Variants in CCAR1 observed in about 807,000 individuals in gnomAD.
CCAR1 encodes cell division cycle and apoptosis regulator 1.
Under a neutral mutation model 163.8 loss-of-function variants are expected in CCAR1, and 78 were observed. The observed-to-expected ratio is 0.48, with a 90% confidence interval of 0.40 to 0.57. CCAR1 has a LOEUF of 0.57. Ranked by LOEUF, CCAR1 falls within the 20% of genes least tolerant of loss-of-function variation. CCAR1 has a pLI of 0.00. For synonymous variants in CCAR1, 443 were observed against 460.7 expected (o/e 0.96, Z 0.49); for missense variants, 1,019 against 1,365.2 (o/e 0.75, Z 4.00).
At chr10:68,773,244 T>C in intron 19 of CCAR1, 145 bp downstream of exon 19, 1 of 483,602 alleles carries the variant, frequency 2.1e-6, no homozygotes, top group South Asian at 2.9e-5. Context: ...AAAGTTTTTC[T>C]GATTTTTAGG....
intron 6 of CCAR1, among the ~76,000 whole-genome samples, chr10:68,744,959 C>G (rs2056232756): frequency 6.6e-6 from 1 of 151,660 alleles, no homozygotes; most frequent in Non-Finnish European, 1.5e-5. Flanking sequence ...TGTAGCTGGG[C>G]CATCAGGCGT....
chr10:68,771,545 T>G, intron 18 of CCAR1, 100 bp downstream of exon 18: 2 of 1,069,760 alleles, frequency 1.9e-6, no homozygotes, highest in Non-Finnish European at 2.7e-6. Context: ...AAAGCCAAAC[T>G]GAAAGATTTT....
chr10:68,753,767 T>C, intron 10 of CCAR1, 85 bp from the exon 11 acceptor site: 1 of 971,180 alleles, frequency 1.0e-6, no homozygotes, highest in Non-Finnish European at 1.6e-6. Flanking sequence ...TTTTACTATA[T>C]CCAGTTATAT....
chr10:68,790,679 C>G (rs1434619851), intron 24 of CCAR1, among the ~76,000 whole-genome samples: 1 of 151,990 alleles, frequency 6.6e-6, no homozygotes, highest in Non-Finnish European at 1.5e-5. Flanking sequence ...CAGGTGTGCT[C>G]CAGCACACCC....
At chr10:68,740,723 T>G in intron 5 of CCAR1, 62 bp downstream of exon 5, 1 of 1,283,342 alleles carries the variant, frequency 7.8e-7, no homozygotes, top group South Asian at 1.3e-5. Flanking sequence ...AAAGCTTTAT[T>G]AGTATTCTAC....
rs1046158826 is a variant in CCAR1, at chr10:68,722,707, A to G, written c.73+130A>G. On this transcript the variant is annotated intron_variant, in intron 2 of 24. Coordinates refer to ENST00000265872, the MANE Select transcript of CCAR1 (RefSeq NM_018237.4). ...TGGGAAGCGGAGGAGGTGGATCACG[A>G]GGTCAGGAGTTCGTAACCAGCCTGG... The G allele has an allele frequency of 1.8e-4, 116 of 657,580 alleles. 1 individual carries two copies. Among genetic ancestry groups the G allele is most frequent in the Middle Eastern group, 4.2e-4 (1 of 2,360 alleles). 40.7% of individuals were successfully genotyped at this position (657,580 alleles called of 1,614,324 possible).
At position 68,789,992 on chromosome 10, in the gene CCAR1, A is replaced by G. The variant is rs2056835900; in HGVS notation, c.3393+77A>G. The G allele has an allele frequency of 4.5e-6, 4 of 884,540 alleles. No individual in the cohort carries two copies. The Admixed American group carries it at 1.2e-4, about 27-fold the overall frequency. 54.8% of individuals were successfully genotyped at this position (884,540 alleles called of 1,614,324 possible). A position where few individuals can be genotyped will look rare whatever the true frequency, so the allele number is the denominator to read the frequency against. ...GGTGTTTTTAATGTATTTTAATGTTATTAAGCTCTTAGTGATTATTCTAAA... is the reference window on the plus strand; with the variant it reads ...GGTGTTTTTAATGTATTTTAATGTTGTTAAGCTCTTAGTGATTATTCTAAA... On this transcript the variant is annotated intron_variant, in intron 24 of 24. Transcript: ENST00000265872.
At chr10:68,725,170 A>G (rs1329260258) in intron 2 of CCAR1, among the ~76,000 whole-genome samples, 2 of 152,120 alleles carry the variant, frequency 1.3e-5, no homozygotes, top group Non-Finnish European at 2.9e-5. Context: ...AAAAGCAGTA[A>G]AAGAACATTT....
chr10:68,745,674 G>T (rs955657752), intron 6 of CCAR1, among the ~76,000 whole-genome samples: 1 of 151,618 alleles, frequency 6.6e-6, no homozygotes, highest in Middle Eastern at 3.4e-3. Context: ...ATGTTGACCA[G>T]TCTGGTCTTG....
chr10:68,752,800 T>C (rs2056347932), intron 10 of CCAR1, among the ~76,000 whole-genome samples: 1 of 152,048 alleles, frequency 6.6e-6, no homozygotes, highest in Admixed American at 6.6e-5. Flanking sequence ...AGCCTAGGAA[T>C]TCAGGTTATA....
chr10:68,737,904 T>G lies in CCAR1; in HGVS notation c.291+15T>G. 6.4e-7 allele frequency: 1 copy of G among 1,564,852 alleles called. No homozygotes were observed. The highest frequency in any genetic ancestry group is 8.7e-7 in the Non-Finnish European group (1 of 1,148,580). ...TGCAACAACAGGTTAGTTTATATTT[T>G]CCGTGTTAAAAACTGATTTTAAAAT... On this transcript the variant is annotated intron_variant, in intron 4 of 24. Transcript: ENST00000265872.
intron 2 of CCAR1, among the ~76,000 whole-genome samples, chr10:68,724,352 G>T (rs1278348396): frequency 6.6e-6 from 1 of 151,868 alleles, no homozygotes; most frequent in Non-Finnish European, 1.5e-5. Context: ...TGTAATCCCA[G>T]CTACTCATGA....
At chr10:68,765,810 T>C (rs2056528716) in intron 16 of CCAR1, 78 bp from the exon 17 acceptor site, 1 of 925,092 alleles carries the variant, frequency 1.1e-6, no homozygotes, top group African/African-American at 1.7e-5. Flanking sequence ...AGATATATAT[T>C]CAATATATAT....
chr10:68,774,489 A>G (rs374808393), intron 19 of CCAR1, among the ~76,000 whole-genome samples: 2 of 151,920 alleles, frequency 1.3e-5, no homozygotes, highest in African/African-American at 4.8e-5. Context: ...AATACAAAAA[A>G]TTAGCCGGGC....
rs1337086720 is a variant in CCAR1, at chr10:68,765,893, A to T, written c.2112A>T (p.Glu704Asp). 1 of 1,611,028 alleles carries T rather than the reference A, an allele frequency of 6.2e-7. No homozygotes were observed. Among genetic ancestry groups the T allele is most frequent in the East Asian group, 2.2e-5 (1 of 44,850 alleles). The change falls in exon 17 of 25, where the codon GAA becomes GAT. Residue 704 changes from glutamate to aspartate, a missense_variant. By Grantham distance (45) the Glu-to-Asp change is conservative (BLOSUM62 2). Around this residue, in one of 4 missense-constraint regions of CCAR1, gnomAD observed 644 missense variants for 904.4 expected, o/e 0.71. Transcript: ENST00000265872. The stretch of plus-strand genomic sequence containing the variant: ...TTGAAATTTGAAATATTTAGGAAGA[A>T]GAAAGGAAACGTCAAGAGGAAATAG... ...DRKSEDDKEE[E>D]ERKRQEEIER...
intron 12 of CCAR1, chr10:68,755,137 A>G (rs2056382558): frequency 2.8e-6 from 2 of 721,042 alleles, no homozygotes. Context: ...TGTTTCTTTA[A>G]AAGAACTCTA....
intron 1 of CCAR1, 86 bp downstream of exon 1, chr10:68,721,368 G>T: frequency 3.4e-6 from 1 of 290,036 alleles, no homozygotes; most frequent in South Asian, 2.5e-5. Context: ...AGGGCCGGGA[G>T]CGATCTTTTG....
At chr10:68,758,796 CCGAGT>C in intron 15 of CCAR1, among the ~76,000 whole-genome samples, 1 of 150,258 alleles carries the variant, frequency 6.7e-6, no homozygotes. Context: ...CCTCAGCCTC[CCGAGT>C]AGCTGGGACT....
intron 19 of CCAR1, among the ~76,000 whole-genome samples, chr10:68,774,255 T>G (rs758942137): frequency 6.6e-6 from 1 of 152,214 alleles, no homozygotes; most frequent in African/African-American, 2.4e-5. Context: ...CTTGAACTAC[T>G]GAGTTCAAGA....
Sources: allele counts gnomAD v4.1 joint callset (sites outside exome capture counted in the v4.1 genomes callset), GRCh38; gene constraint gnomAD v4.1.1; regional missense constraint gnomAD v4.1.1; transcripts MANE v1.5; gene names NCBI Gene and HGNC (gene_info 2026-07-23, HGNC 2026-07-21).